Variants in DENND5B observed in about 807,000 individuals in gnomAD.
The protein encoded by DENND5B is DENN domain containing 5B.
In DENND5B, 34 loss-of-function variants were observed where a neutral mutation model predicts 140.6. That is an observed-to-expected ratio of 0.24 (90% CI 0.18 to 0.32). DENND5B has a LOEUF of 0.32. Ranked by LOEUF, DENND5B falls within the 10% of genes least tolerant of loss-of-function variation. DENND5B has a pLI of 1.00. For missense variants in DENND5B, 1,142 were observed against 1,560.2 expected, an observed-to-expected ratio of 0.73 and a Z score of 4.52; for synonymous variants, 551 against 562.1, an observed-to-expected ratio of 0.98 and a Z score of 0.28.
intron 3 of DENND5B, 35 bp downstream of exon 3, chr12:31,479,554 G>T: frequency 4.1e-6 from 6 of 1,451,060 alleles, no homozygotes. Flanking sequence ...AAAAGTACTT[G>T]TTTTTGGAAA....
rs1940728043 is a variant in DENND5B, at chr12:31,383,663, A to AG, written c.*3939dup. ...GGGTTGGGAGGTTTTTGTCCTCAGT[A>AG]GCCTGCTTTTTCCCACGTAGGACTC... On this transcript the variant is annotated 3_prime_UTR_variant, in exon 21 of 21. Coordinates refer to ENST00000389082, the MANE Select transcript of DENND5B (RefSeq NM_144973.4). The AG allele has an allele frequency of 6.6e-6, 1 of 152,114 alleles. No individual in the cohort carries two copies. 9.4% of individuals were successfully genotyped at this position (152,114 alleles called of 1,614,324 possible). A position where few individuals can be genotyped will look rare whatever the true frequency, so the allele number is the denominator to read the frequency against.
chr12:31,481,960 C>T (rs1355969574), intron 2 of DENND5B, among the ~76,000 whole-genome samples: 2 of 152,190 alleles, frequency 1.3e-5, no homozygotes, highest in African/African-American at 2.4e-5. Flanking sequence ...TTCCCCTATG[C>T]ACATTCCACT....
chr12:31,399,576 G>C (rs926573880), intron 16 of DENND5B, 78 bp downstream of exon 16: 32 of 1,182,640 alleles, frequency 2.7e-5, no homozygotes, highest in Non-Finnish European at 3.6e-5. Context: ...ACTGTGCCTG[G>C]CCTACAATTC....
At chr12:31,534,862 G>T in intron 1 of DENND5B, 1 of 438,448 alleles carries the variant, frequency 2.3e-6, no homozygotes, top group South Asian at 1.8e-5. Context: ...GGAGTTCTAG[G>T]TTATCTTTGC....
intron 7 of DENND5B, among the ~76,000 whole-genome samples, chr12:31,441,344 C>CA (rs1325613841): frequency 2.0e-5 from 3 of 151,778 alleles, no homozygotes; most frequent in East Asian, 2.0e-4. Flanking sequence ...GACCTTGTCT[C>CA]AAAAAAAATG....
intron 14 of DENND5B, among the ~76,000 whole-genome samples, 163 bp downstream of exon 14, chr12:31,409,100 T>C (rs1358104892): frequency 1.3e-5 from 2 of 152,218 alleles, no homozygotes; most frequent in African/African-American, 4.8e-5. Context: ...GGGTTTCCTG[T>C]AGCACTCTTA....
chr12:31,545,054 G>A (rs943120671), intron 1 of DENND5B, among the ~76,000 whole-genome samples: 2 of 152,020 alleles, frequency 1.3e-5, no homozygotes, highest in Non-Finnish European at 2.9e-5. Flanking sequence ...CCCCACCACA[G>A]ACACACAGAA....
intron 4 of DENND5B, among the ~76,000 whole-genome samples, chr12:31,457,372 T>C: frequency 6.6e-6 from 1 of 152,358 alleles, no homozygotes; most frequent in African/African-American, 2.4e-5. Context: ...TAAATCTATG[T>C]AGTTATATTA....
At chr12:31,546,515 C>T (rs537187687) in intron 1 of DENND5B, among the ~76,000 whole-genome samples, 1 of 152,190 alleles carries the variant, frequency 6.6e-6, no homozygotes, top group Non-Finnish European at 1.5e-5. Flanking sequence ...GGTGAAACCA[C>T]ATCTCTACTA....
intron 2 of DENND5B, among the ~76,000 whole-genome samples, chr12:31,482,021 C>T (rs1346532595): frequency 6.6e-6 from 1 of 152,102 alleles, no homozygotes; most frequent in Non-Finnish European, 1.5e-5. Flanking sequence ...TTTCTGGGTT[C>T]CCACTGCTTA....
intron 2 of DENND5B, among the ~76,000 whole-genome samples, chr12:31,492,846 T>C (rs1439086166): frequency 1.3e-5 from 2 of 152,248 alleles, no homozygotes; most frequent in African/African-American, 4.8e-5. Context: ...TAGTAGAGTC[T>C]TCACCAAAGA....
chr12:31,567,814 T>TAAA (rs1949682875), intron 1 of DENND5B, among the ~76,000 whole-genome samples: 1 of 152,184 alleles, frequency 6.6e-6, no homozygotes, highest in Admixed American at 6.5e-5. Flanking sequence ...TCCACCTCTT[T>TAAA]AAAAAACAAC....
rs541099195 is a variant in DENND5B at position 31,472,314 on chromosome 12, T to C, written c.904+7275A>G. Among the ~76,000 whole-genome samples the C allele has an allele frequency of 6.4e-4, 97 of 152,238 alleles. 1 individual carries two copies. In the South Asian group the frequency reaches 0.02, roughly 31 times the overall value. ...ACTGAAACAAAAGTCTTTTTTGAGA[T>C]GGAGTCTTGCCCTGTCTCCCAGGCT... On this transcript the variant is annotated intron_variant, in intron 3 of 20. Transcript: ENST00000389082.
intron 1 of DENND5B, among the ~76,000 whole-genome samples, chr12:31,525,023 C>T (rs1256150901): frequency 6.6e-6 from 1 of 152,140 alleles, no homozygotes; most frequent in Non-Finnish European, 1.5e-5. Flanking sequence ...ATCGAAACCA[C>T]AATGAGATAC....
At chr12:31,499,693 A>G (rs764756039) in intron 1 of DENND5B, 130 of 1,432,732 alleles carry the variant, frequency 9.1e-5, no homozygotes, top group Non-Finnish European at 1.1e-4. Context: ...AACAGAAACA[A>G]AAAAGCTTTA....
At chr12:31,427,969 C>T (rs1465347840) in intron 8 of DENND5B, among the ~76,000 whole-genome samples, 1 of 152,138 alleles carries the variant, frequency 6.6e-6, no homozygotes, top group African/African-American at 2.4e-5. Context: ...TAAAAAAAAT[C>T]CCACTGATTA....
chr12:31,496,344 G>T (rs1455644212), intron 1 of DENND5B, among the ~76,000 whole-genome samples: 1 of 152,072 alleles, frequency 6.6e-6, no homozygotes, highest in Non-Finnish European at 1.5e-5. Flanking sequence ...CTCAAAGGAA[G>T]CAATTTTGCT....
chr12:31,434,691 C>T (rs576289718), intron 7 of DENND5B, among the ~76,000 whole-genome samples: 3 of 152,178 alleles, frequency 2.0e-5, no homozygotes, highest in Admixed American at 6.5e-5. Flanking sequence ...GAATTTGGAA[C>T]CTGGCTCAGT....
rs137865161 is a variant in DENND5B at position 31,560,367 on chromosome 12, C to T, written c.127+30339G>A. Among the ~76,000 whole-genome samples, 576 of 152,266 alleles carry T rather than the reference C, an allele frequency of 3.8e-3. 5 individuals carry two copies. Among genetic ancestry groups the T allele is most frequent in the African/African-American group, 0.013 (540 of 41,556 alleles). On this transcript the variant is annotated intron_variant, in intron 1 of 20. Transcript: ENST00000389082. The stretch of plus-strand genomic sequence containing the variant: ...GATTCATCCCCTTTCTCTCACACCC[C>T]GCCTTTTGATAACAAAATCCTATTG...
Sources: allele counts gnomAD v4.1 joint callset (sites outside exome capture counted in the v4.1 genomes callset), GRCh38; gene constraint gnomAD v4.1.1; transcripts MANE v1.5; gene names NCBI Gene and HGNC (gene_info 2026-07-23, HGNC 2026-07-21).